The following RTL4 variants were observed in gnomAD, a reference collection of about 807,000 sequenced individuals.
RTL4 encodes the protein retrotransposon Gag like 4.
Under a neutral mutation model 5.3 loss-of-function variants are expected in RTL4, and 4 were observed. That is an observed-to-expected ratio of 0.75 (90% CI 0.37 to 1.72). RTL4 has a LOEUF of 1.72. RTL4 is among the 40% of genes most tolerant of loss of function. The pLI is 0.04. For missense variants in RTL4, 260 were observed against 227.1 expected, an observed-to-expected ratio of 1.14 and a Z score of -0.93; for synonymous variants, 98 against 87.3, an observed-to-expected ratio of 1.12 and a Z score of -0.68.
chrX:112,149,635 A>C, the RTL4 span, among the ~76,000 whole-genome samples: 1 of 111,909 alleles, frequency 8.9e-6, no homozygotes, highest in Non-Finnish European at 1.9e-5. Flanking sequence ...TTGATATTGA[A>C]CCCTTTGCTC....
chrX:112,285,376 T>C, the RTL4 span, among the ~76,000 whole-genome samples: 3 of 112,225 alleles, frequency 2.7e-5, no homozygotes, highest in Admixed American at 2.8e-4. Flanking sequence ...TCATGAACCA[T>C]AATAAAAATT....
chrX:112,285,571 A>G, the RTL4 span, among the ~76,000 whole-genome samples: 1 of 111,617 alleles, frequency 9.0e-6, no homozygotes, highest in East Asian at 2.8e-4. Context: ...CAAAGGGAGA[A>G]TTGGGAGAGG....
chrX:112,287,540 TAGGCACTGGACC>T, the RTL4 span, among the ~76,000 whole-genome samples: 1 of 111,800 alleles, frequency 8.9e-6, no homozygotes, highest in Non-Finnish European at 1.9e-5. Flanking sequence ...TACTCTGTGC[TAGGCACTGGACC>T]AGGCATTGTG....
chrX:112,398,190 G>T, the RTL4 span, among the ~76,000 whole-genome samples: 17 of 110,512 alleles, frequency 1.5e-4, no homozygotes, highest in Non-Finnish European at 3.0e-4. Flanking sequence ...CTTTTATCAG[G>T]AACTGGTGCT....
At chrX:112,376,971 A>T in the RTL4 span, among the ~76,000 whole-genome samples, 3 of 112,343 alleles carry the variant, frequency 2.7e-5, no homozygotes, top group African/African-American at 9.7e-5. Flanking sequence ...TGTTAATCAG[A>T]CAAGATGGTA....
At chrX:112,092,426 C>A in the RTL4 span, among the ~76,000 whole-genome samples, 1 of 107,791 alleles carries the variant, frequency 9.3e-6, no homozygotes, top group African/African-American at 3.4e-5. Context: ...AAATAGAAAA[C>A]CCTCACTTCT....
chrX:112,309,383 T>C, the RTL4 span, among the ~76,000 whole-genome samples: 23 of 110,786 alleles, frequency 2.1e-4, no homozygotes, highest in African/African-American at 7.2e-4. Flanking sequence ...ACCCCAAAGC[T>C]CCATCTTCAA....
the RTL4 span, among the ~76,000 whole-genome samples, chrX:112,176,064 G>A: frequency 8.4e-3 from 920 of 109,594 alleles, 18 homozygotes; most frequent in African/African-American, 0.029. Flanking sequence ...CAAAAATCAC[G>A]AGCATTCTTA....
chrX:112,430,990 G>A, the RTL4 span, among the ~76,000 whole-genome samples: 1 of 112,178 alleles, frequency 8.9e-6, no homozygotes, highest in Non-Finnish European at 1.9e-5. Context: ...TAGCAGTAAG[G>A]TGGAGGGGAA....
At chrX:112,112,234 T>C in the RTL4 span, among the ~76,000 whole-genome samples, 1 of 112,111 alleles carries the variant, frequency 8.9e-6, no homozygotes, top group Non-Finnish European at 1.9e-5. Context: ...CTCTCTGTGA[T>C]GTATAAAGAG....
At chrX:112,413,798 T>C in the RTL4 span, among the ~76,000 whole-genome samples, 1 of 110,061 alleles carries the variant, frequency 9.1e-6, no homozygotes, top group Non-Finnish European at 1.9e-5. Context: ...ACAGGGTGAG[T>C]ATAATCAAAA....
At chrX:112,354,782 C>G in the RTL4 span, among the ~76,000 whole-genome samples, 2 of 110,788 alleles carry the variant, frequency 1.8e-5, no homozygotes, top group African/African-American at 6.6e-5. Flanking sequence ...GAAAGCACTT[C>G]AAAACATTAA....
the RTL4 span, among the ~76,000 whole-genome samples, chrX:112,378,544 T>C: frequency 8.9e-6 from 1 of 111,829 alleles, no homozygotes; most frequent in South Asian, 3.8e-4. Flanking sequence ...AGAATGTGGA[T>C]AGACCTACAG....
At chrX:112,398,395 T>TC in the RTL4 span, among the ~76,000 whole-genome samples, 1 of 90,263 alleles carries the variant, frequency 1.1e-5, no homozygotes, top group African/African-American at 4.9e-5. Context: ...TTTCTTTCTT[T>TC]CTTTTTTTTT....
chrX:112,224,545 C>T, the RTL4 span, among the ~76,000 whole-genome samples: 1 of 109,482 alleles, frequency 9.1e-6, no homozygotes, highest in Non-Finnish European at 1.9e-5. Flanking sequence ...TTTTGCCATG[C>T]TGCCCAGGCT....
chrX:112,352,188 T>C, the RTL4 span, among the ~76,000 whole-genome samples: 1 of 111,407 alleles, frequency 9.0e-6, no homozygotes, highest in Non-Finnish European at 1.9e-5. Context: ...GAATGTTGAA[T>C]ATTGGCCCCC....
the RTL4 span, among the ~76,000 whole-genome samples, chrX:112,364,104 C>T: frequency 8.9e-6 from 1 of 111,962 alleles, no homozygotes; most frequent in East Asian, 2.8e-4. Flanking sequence ...ATGGGAAGAA[C>T]GTGGGTAATG....
chrX:112,190,711 G>A, the RTL4 span, among the ~76,000 whole-genome samples: 66 of 112,010 alleles, frequency 5.9e-4, no homozygotes, highest in East Asian at 1.7e-3. Context: ...TATAATATCC[G>A]TTTGATTTCC....
At chrX:112,323,861 C>T in the RTL4 span, among the ~76,000 whole-genome samples, 1 of 112,163 alleles carries the variant, frequency 8.9e-6, no homozygotes, top group Non-Finnish European at 1.9e-5. Context: ...TTTTCATATA[C>T]TGTCTAGTTT....
Sources: gnomAD v4.1 joint callset for allele counts (sites outside exome capture counted in the v4.1 genomes callset) on GRCh38, gnomAD v4.1.1 for gene constraint, MANE v1.5 for transcripts, NCBI Gene and HGNC (gene_info 2026-07-23, HGNC 2026-07-21) for gene names.